Variants in NRAP observed in about 807,000 individuals in gnomAD.
NRAP encodes the protein nebulin-related-anchoring protein.
In NRAP, 189 loss-of-function variants were observed where a neutral mutation model predicts 225.9. The observed-to-expected ratio is 0.84, with a 90% CI of 0.74 to 0.94. The LOEUF (loss-of-function observed/expected upper bound fraction) is 0.94. Among genes scored for constraint, NRAP ranks in the 40% least tolerant of loss-of-function variants. The probability of loss-of-function intolerance (pLI) is 0.00; values close to 1 mark genes in which losing one functional copy is unlikely to be tolerated. For missense variants in NRAP, 2,176 were observed against 2,168.7 expected, an observed-to-expected ratio of 1.00 and a Z score of -0.07; for synonymous variants, 769 against 790.7, an observed-to-expected ratio of 0.97 and a Z score of 0.46.
intron 24 of NRAP, among the ~76,000 whole-genome samples, chr10:113,620,925 G>A (rs943955914): frequency 6.6e-6 from 1 of 152,114 alleles, no homozygotes; most frequent in African/African-American, 2.4e-5. Context: ...GTGGCTTTAG[G>A]CCCCATCCAA....
At chr10:113,654,159 A>T in intron 4 of NRAP, 34 bp from the exon 5 acceptor site, 1 of 1,248,326 alleles carries the variant, frequency 8.0e-7, no homozygotes, top group Non-Finnish European at 1.2e-6. Flanking sequence ...ATACAAACAC[A>T]TGCCCCAGAC....
At chr10:113,598,703 A>C (rs1283628906) in intron 35 of NRAP, among the ~76,000 whole-genome samples, 4 of 152,186 alleles carry the variant, frequency 2.6e-5, no homozygotes, top group African/African-American at 9.7e-5. Flanking sequence ...TTAAAAACGG[A>C]AACAAATTTG....
chr10:113,614,793 C>T (rs754965538), intron 28 of NRAP, 46 bp downstream of exon 28: 31 of 1,142,140 alleles, frequency 2.7e-5, no homozygotes, highest in South Asian at 6.1e-5. Context: ...GGAGTGAAAA[C>T]GGGTTAGTGT....
intron 29 of NRAP, among the ~76,000 whole-genome samples, chr10:113,613,950 A>G (rs1426400623): frequency 6.6e-6 from 1 of 152,122 alleles, no homozygotes; most frequent in Non-Finnish European, 1.5e-5. Flanking sequence ...ACTGGTGAAA[A>G]TTATAGAATG....
Position 113,604,879 on chromosome 10 carries a change from G to C in NRAP, c.3957C>G (p.Leu1319=). Reference sequence around the variant, plus strand: ...CGTCTCTTACACTCTGGGGCCCTATGAGTTTCCCTCGCTCCTTCACAAAGT... The same window carrying C: ...CGTCTCTTACACTCTGGGGCCCTATCAGTTTCCCTCGCTCCTTCACAAAGT... ...RHDFVKERGK[L]IGPQSVRDDP... The change falls in exon 35 of 42, where the codon CTC becomes CTG. Residue 1319 remains leucine, a synonymous_variant. Transcript: ENST00000359988. 1 of 1,614,166 alleles carries C rather than the reference G, an allele frequency of 6.2e-7. No homozygotes were observed. Among genetic ancestry groups the C allele is most frequent in the Middle Eastern group, 1.7e-4 (1 of 6,060 alleles).
chr10:113,594,635 T>C (rs1846182652), intron 38 of NRAP, among the ~76,000 whole-genome samples: 1 of 152,210 alleles, frequency 6.6e-6, no homozygotes, highest in Non-Finnish European at 1.5e-5. Context: ...TGTTCTAAAA[T>C]TATCCCCTGC....
At chr10:113,615,037 T>C in intron 27 of NRAP, 91 bp from the exon 28 acceptor site, 1 of 799,110 alleles carries the variant, frequency 1.3e-6, no homozygotes, top group South Asian at 1.4e-5. Context: ...TGGTTTGTGG[T>C]GGGTCCCCTC....
At chr10:113,589,570 G>T in intron 41 of NRAP, 96 bp downstream of exon 41, 1 of 1,446,830 alleles carries the variant, frequency 6.9e-7, no homozygotes, top group Non-Finnish European at 9.4e-7. Context: ...AGAGCTAGCT[G>T]ACCTTTGGCC....
chr10:113,645,801 G>A (rs1380487686), intron 11 of NRAP, 24 bp downstream of exon 11: 2 of 1,155,726 alleles, frequency 1.7e-6, no homozygotes, highest in African/African-American at 1.5e-5. Context: ...ATGCTCATGG[G>A]TGTGACTCTT....
chr10:113,589,995 C>T (rs923144114), intron 40 of NRAP, among the ~76,000 whole-genome samples, 198 bp from the exon 41 acceptor site: 3 of 152,176 alleles, frequency 2.0e-5, no homozygotes, highest in Admixed American at 6.5e-5. Flanking sequence ...TGAGTCCAGC[C>T]GGCATGTTGC....
At chr10:113,644,077 G>T (rs553751573) in intron 11 of NRAP, among the ~76,000 whole-genome samples, 1 of 143,244 alleles carries the variant, frequency 7.0e-6, no homozygotes, top group Admixed American at 7.4e-5. Flanking sequence ...GACGTGGGAG[G>T]TGGAGGTTGC....
chr10:113,614,803 T>G, intron 28 of NRAP, 36 bp downstream of exon 28: 1 of 1,278,870 alleles, frequency 7.8e-7, no homozygotes, highest in South Asian at 1.2e-5. Context: ...CGGGTTAGTG[T>G]TGAACATTGT....
At chr10:113,598,353 A>T (rs536008185) in intron 35 of NRAP, among the ~76,000 whole-genome samples, 4 of 150,772 alleles carry the variant, frequency 2.7e-5, no homozygotes, top group African/African-American at 9.8e-5. Context: ...GGACGATCGC[A>T]TAAAGAAAGA....
At position 113,590,819 on chromosome 10, in the gene NRAP, G is replaced by A. The variant is rs747963860; in HGVS notation, c.4715C>T (p.Pro1572Leu). The A allele has an allele frequency of 6.2e-7, 1 of 1,614,198 alleles. No homozygotes were observed. Among genetic ancestry groups the A allele is most frequent in the South Asian group, 1.1e-5 (1 of 91,082 alleles). ...AACGTTGAGGAAATGCTTCATCCTTGGGTCATCGTCGACACTGCGGTACCC... is the reference window on the plus strand; with the variant it reads ...AACGTTGAGGAAATGCTTCATCCTTAGGTCATCGTCGACACTGCGGTACCC... The part of the protein sequence containing the change: ...QIGYRSVDDD[P>L]RMKHFLNVGR... The change falls in exon 40 of 42, where the codon CCA becomes CTA. Residue 1572 changes from proline to leucine, a missense_variant. Coordinates refer to ENST00000359988, the MANE Select transcript of NRAP (RefSeq NM_198060.4).
chr10:113,662,822 G>C, intron 2 of NRAP, 56 bp from the exon 3 acceptor site: 1 of 756,570 alleles, frequency 1.3e-6, no homozygotes. Context: ...AAATGATTGA[G>C]GGACTATTCT....
At chr10:113,622,549 A>C (rs1008771263) in intron 23 of NRAP, among the ~76,000 whole-genome samples, 7 of 152,190 alleles carry the variant, frequency 4.6e-5, no homozygotes, top group Non-Finnish European at 8.8e-5. Flanking sequence ...AAAGGAGCAC[A>C]TTGTTTGAAA....
At position 113,597,093 on chromosome 10, in the gene NRAP, C is replaced by T; in HGVS notation, c.4424G>A (p.Cys1475Tyr). Reference sequence around the variant, plus strand: ...TGACAAGAAAGGACCCACCTCATTGCAGTGCATATAGCTGTTCTTGGCATG... The same window carrying T: ...TGACAAGAAAGGACCCACCTCATTGTAGTGCATATAGCTGTTCTTGGCATG... The part of the protein sequence containing the change: ...LVHAKNSYMH[C>Y]NERMYRSGDA... Residue 1475 changes from cysteine (C) to tyrosine (Y), a missense_variant, in exon 37 of 42, where the codon TGC becomes TAC. By Grantham distance (194) the Cys-to-Tyr change is radical. Transcript: ENST00000359988. The T allele has an allele frequency of 6.2e-7, 1 of 1,607,166 alleles. No individual in the cohort carries two copies. Among genetic ancestry groups the T allele is most frequent in the Non-Finnish European group, 8.5e-7 (1 of 1,173,662 alleles).
At chr10:113,624,701 C>T in intron 22 of NRAP, 125 bp downstream of exon 22, 2 of 693,958 alleles carry the variant, frequency 2.9e-6, no homozygotes, top group Non-Finnish European at 5.1e-6. Context: ...GCTGTTTTTA[C>T]AACAACCAGA....
rs1017678261 is a variant in NRAP, at chr10:113,618,777, C to T, written c.2875-1224G>A. On this transcript the variant is annotated intron_variant, in intron 25 of 41. Transcript: ENST00000359988. ...CCTGGGCAACATGGTGAAACCCCGT[C>T]TCTACTAAAAATACAAGAATTAGCT... is the stretch of plus-strand genomic sequence containing the variant. Among the ~76,000 whole-genome samples, 3 of 152,154 alleles carry T rather than the reference C, an allele frequency of 2.0e-5. No homozygotes were observed. The South Asian group carries it at 6.2e-4, about 32-fold the overall frequency.
Sources: gnomAD v4.1 joint callset for allele counts (sites outside exome capture counted in the v4.1 genomes callset) on GRCh38, gnomAD v4.1.1 for gene constraint, MANE v1.5 for transcripts, NCBI Gene and HGNC (gene_info 2026-07-23, HGNC 2026-07-21) for gene names.